The following P4HA1 variants were observed in gnomAD, a reference collection of about 807,000 sequenced individuals.
P4HA1 encodes prolyl 4-hydroxylase subunit alpha-1.
A neutral mutation model predicts 72.8 loss-of-function variants in P4HA1; 24 were observed. The observed-to-expected ratio is 0.33, with a 90% CI of 0.24 to 0.46. The LOEUF (loss-of-function observed/expected upper bound fraction) is 0.46. P4HA1 is among the 20% of genes least tolerant of loss of function. P4HA1 has a pLI of 1.00. For synonymous variants in P4HA1, 201 were observed against 218.8 expected (o/e 0.92, Z 0.72); for missense variants, 446 against 640.6 (o/e 0.70, Z 3.28).
chr10:73,095,442 G>A (rs1842143444), intron 1 of P4HA1, among the ~76,000 whole-genome samples: 1 of 149,262 alleles, frequency 6.7e-6, no homozygotes, highest in South Asian at 2.1e-4. Flanking sequence ...TTCTTCATCT[G>A]ATTATTTTAG....
At chr10:73,074,781 C>T (rs541780035) in intron 2 of P4HA1, 27 bp downstream of exon 2, 11 of 1,274,752 alleles carry the variant, frequency 8.6e-6, no homozygotes, top group Non-Finnish European at 1.2e-5. Flanking sequence ...GCAAAACCAA[C>T]AAAAAACAAC....
chr10:73,093,122 A>G (rs1208493979), intron 1 of P4HA1, among the ~76,000 whole-genome samples: 1 of 101,408 alleles, frequency 9.9e-6, no homozygotes, highest in Non-Finnish European at 1.9e-5. Flanking sequence ...CCTATCTCTT[A>G]AAAAAAAAAA....
At chr10:73,082,807 A>C (rs898587129) in intron 1 of P4HA1, among the ~76,000 whole-genome samples, 2 of 152,202 alleles carry the variant, frequency 1.3e-5, no homozygotes, top group Non-Finnish European at 2.9e-5. Flanking sequence ...ACACAAAAGA[A>C]CACCACAAAT....
chr10:73,084,067 T>C (rs1302973323), intron 1 of P4HA1, among the ~76,000 whole-genome samples: 3 of 152,242 alleles, frequency 2.0e-5, no homozygotes, highest in African/African-American at 7.2e-5. Flanking sequence ...CTAGCTGGCA[T>C]AATACCACCA....
At chr10:73,041,261 T>C (rs953787368) in intron 9 of P4HA1, among the ~76,000 whole-genome samples, 3 of 152,082 alleles carry the variant, frequency 2.0e-5, no homozygotes, top group Non-Finnish European at 4.4e-5. Flanking sequence ...AAAAGAATTG[T>C]CTAGGCCAGG....
chr10:73,060,110 A>AT (rs1372707477), intron 5 of P4HA1, among the ~76,000 whole-genome samples: 2 of 152,226 alleles, frequency 1.3e-5, no homozygotes, highest in Non-Finnish European at 2.9e-5. Context: ...TTGACTGATC[A>AT]TATCTAGAGT....
chr10:73,089,462 C>T (rs1360236099), intron 1 of P4HA1, among the ~76,000 whole-genome samples: 1 of 152,028 alleles, frequency 6.6e-6, no homozygotes, highest in African/African-American at 2.4e-5. Flanking sequence ...TATTGCACTC[C>T]TAGGCATTAA....
At chr10:73,037,557 ATATATATATATATATTTTTT>A (rs1258937849) in intron 9 of P4HA1, among the ~76,000 whole-genome samples, 9 of 32,688 alleles carry the variant, frequency 2.8e-4, no homozygotes, top group African/African-American at 1.2e-3. Context: ...ATATATATAT[ATATATATATATATATTTTTT>A]TTTTTTTTTT....
chr10:73,075,251 G>A (rs1341864148), intron 1 of P4HA1, among the ~76,000 whole-genome samples: 2 of 152,084 alleles, frequency 1.3e-5, no homozygotes, highest in Non-Finnish European at 2.9e-5. Context: ...GGGACCAAAG[G>A]TGTGTGCCAC....
intron 9 of P4HA1, among the ~76,000 whole-genome samples, chr10:73,043,498 T>C (rs1430136923): frequency 1.3e-5 from 2 of 152,234 alleles, no homozygotes. Flanking sequence ...GGCTTTGTTA[T>C]AAAGGCACTT....
At chr10:73,060,956 A>G (rs1346159516) in intron 5 of P4HA1, among the ~76,000 whole-genome samples, 2 of 152,212 alleles carry the variant, frequency 1.3e-5, no homozygotes, top group Admixed American at 1.3e-4. Flanking sequence ...TATATAGTTC[A>G]GGGTAACCAA....
chr10:73,073,672 C>T (rs531608579), intron 3 of P4HA1, 59 bp downstream of exon 3: 63 of 851,640 alleles, frequency 7.4e-5, no homozygotes, highest in Non-Finnish European at 1.2e-4. Flanking sequence ...AATATTTTAG[C>T]TTGAGAAAGA....
At chr10:73,035,898 A>G (rs1840558765) in intron 9 of P4HA1, among the ~76,000 whole-genome samples, 1 of 152,102 alleles carries the variant, frequency 6.6e-6, no homozygotes, top group Admixed American at 6.5e-5. Flanking sequence ...TTATATCATA[A>G]CATATCTCGG....
intron 13 of P4HA1, 44 bp from the exon 14 acceptor site, chr10:73,009,947 G>T: frequency 9.4e-7 from 1 of 1,063,804 alleles, no homozygotes; most frequent in Non-Finnish European, 1.4e-6. Flanking sequence ...TACAATGCCA[G>T]GTAATTGCTT....
Position 73,010,946 on chromosome 10 carries a change from AAAAAC to A in P4HA1, c.1437+18_1437+22del. 2 of 1,594,512 alleles carry A rather than the reference AAAAAC, an allele frequency of 1.3e-6. No homozygotes were observed. Among genetic ancestry groups the A allele is most frequent in the Non-Finnish European group, 1.7e-6 (2 of 1,163,834 alleles). The stretch of plus-strand genomic sequence containing the variant: ...TCCTTAGGGAAAAAATTAATAAACC[AAAAAC>A]AAAACAAACAGGCTTACTTTTTTGG... On this transcript the variant is annotated intron_variant, in intron 13 of 14. Coordinates refer to ENST00000394890, the MANE Select transcript of P4HA1 (RefSeq NM_001017962.3).
chr10:73,037,432 A>AAAATGTCAGT (rs1196049479), intron 9 of P4HA1, among the ~76,000 whole-genome samples: 1 of 148,972 alleles, frequency 6.7e-6, no homozygotes, highest in Non-Finnish European at 1.5e-5. Flanking sequence ...GCTCCAAAGA[A>AAAATGTCAGT]AAATGTCAGT....
Position 73,093,121 on chromosome 10 carries a change from T to TAA in P4HA1, c.-33+3643_-33+3644dup, listed in dbSNP as rs200388165. ...GGCAACAGAGCAAGATCCTATCTCTTAAAAAAAAAAAAAAAAGAGAGAGTA... is the reference window on the plus strand; with the variant it reads ...GGCAACAGAGCAAGATCCTATCTCTTAAAAAAAAAAAAAAAAAAGAGAGAGTA... On this transcript the variant is annotated intron_variant, in intron 1 of 14. Coordinates refer to ENST00000394890, the MANE Select transcript of P4HA1 (RefSeq NM_001017962.3). Among the ~76,000 whole-genome samples the TAA allele has an allele frequency of 2.1e-4, 28 of 135,386 alleles. 1 individual carries two copies. The South Asian group carries it at 2.5e-3, about 12-fold the overall frequency. 88.8% of individuals were successfully genotyped at this position (135,386 alleles called of 152,430 possible). A position where few individuals can be genotyped will look rare whatever the true frequency, so the allele number is the denominator to read the frequency against.
chr10:73,041,919 T>A (rs1269461551), intron 9 of P4HA1, among the ~76,000 whole-genome samples: 3 of 151,850 alleles, frequency 2.0e-5, no homozygotes, highest in African/African-American at 7.3e-5. Flanking sequence ...ACTGTGGCTC[T>A]CTGTAGCCTC....
intron 9 of P4HA1, among the ~76,000 whole-genome samples, chr10:73,041,945 A>G (rs543918280): frequency 1.1e-4 from 17 of 151,902 alleles, no homozygotes; most frequent in African/African-American, 3.9e-4. Context: ...CCTCAGGCTC[A>G]GGTGATCCTC....
Sources: gnomAD v4.1 joint callset for allele counts (sites outside exome capture counted in the v4.1 genomes callset) on GRCh38, gnomAD v4.1.1 for gene constraint, MANE v1.5 for transcripts, NCBI Gene and HGNC (gene_info 2026-07-23, HGNC 2026-07-21) for gene names.